The following THEMIS variants were observed in gnomAD, a reference collection of about 807,000 sequenced individuals.
The protein encoded by THEMIS is protein THEMIS.
In THEMIS, 37 loss-of-function variants were observed where a neutral mutation model predicts 52.6. The ratio of observed to expected loss-of-function variants is 0.70; its 90% CI spans 0.54 to 0.93. THEMIS has a LOEUF of 0.93. THEMIS is among the 40% of genes least tolerant of loss of function. The probability of loss-of-function intolerance (pLI) is 0.00; values close to 1 mark genes in which losing one functional copy is unlikely to be tolerated. For synonymous variants in THEMIS, 292 were observed against 272.7 expected (o/e 1.07, Z -0.70); for missense variants, 808 against 763.1 (o/e 1.06, Z -0.69).
chr6:127,828,288 A>G lies in THEMIS; in HGVS notation c.709+1188T>C, dbSNP rs529925953. On this transcript the variant is annotated intron_variant, in intron 3 of 5. Transcript: ENST00000368248. ...TACTATCTATTATTTATAAAAATCA[A>G]AGAAATCTCAATTACTCATCTCAAC... Among the ~76,000 whole-genome samples the G allele has an allele frequency of 2.0e-5, 3 of 152,346 alleles. No homozygotes were observed. The South Asian group carries it at 6.2e-4, about 32-fold the overall frequency.
chr6:127,715,684 C>T (rs940995357), intron 5 of THEMIS, among the ~76,000 whole-genome samples: 1 of 151,828 alleles, frequency 6.6e-6, no homozygotes, highest in African/African-American at 2.4e-5. Flanking sequence ...GGAGAGCTTT[C>T]CCAGGGAGTT....
At chr6:127,817,831 T>G (rs269994) in intron 3 of THEMIS, among the ~76,000 whole-genome samples, 10 of 152,204 alleles carry the variant, frequency 6.6e-5, no homozygotes, top group Admixed American at 5.2e-4. Context: ...GGTTGGGGAG[T>G]ATGTTTAGGA....
chr6:127,779,997 G>A (rs2114476845), intron 4 of THEMIS, among the ~76,000 whole-genome samples: 1 of 152,276 alleles, frequency 6.6e-6, no homozygotes, highest in South Asian at 2.1e-4. Flanking sequence ...GGGCAGCAGA[G>A]TGTTAAAGTC....
At chr6:127,831,032 G>A (rs1386295847) in intron 2 of THEMIS, among the ~76,000 whole-genome samples, 1 of 152,100 alleles carries the variant, frequency 6.6e-6, no homozygotes, top group Non-Finnish European at 1.5e-5. Context: ...AAAATACCAG[G>A]TTCTGTAGTT....
intron 4 of THEMIS, among the ~76,000 whole-genome samples, chr6:127,770,671 G>A (rs1776353405): frequency 6.6e-6 from 1 of 152,154 alleles, no homozygotes; most frequent in Admixed American, 6.5e-5. Context: ...TGCTTTTGGT[G>A]TTTTGCCCAT....
rs141905910 is a variant in THEMIS, at chr6:127,813,261, C to G, written c.1380G>C (p.Lys460Asn). Residue 460 changes from lysine (K) to asparagine (N), a missense_variant, in exon 4 of 6, where the codon AAG (lysine) becomes AAC (asparagine). Coordinates refer to ENST00000368248, the MANE Select transcript of THEMIS (RefSeq NM_001010923.3). ...CAATGGAAAGATCCCTGACAGACAC[C>G]TTCACATTGAAGGGCAAACGGAACT... is the stretch of plus-strand genomic sequence containing the variant. The part of the protein sequence containing the change: ...CKQFRLPFNV[K>N]VSVRDLSIEE... 1.0e-4 allele frequency: 167 copies of G among 1,613,998 alleles called. No homozygotes were observed. The highest frequency in any genetic ancestry group is 1.6e-4 in the Middle Eastern group (1 of 6,084).
At chr6:127,888,322 T>C (rs1780705350) in intron 1 of THEMIS, among the ~76,000 whole-genome samples, 1 of 152,092 alleles carries the variant, frequency 6.6e-6, no homozygotes, top group Non-Finnish European at 1.5e-5. Context: ...TGATTCTAGA[T>C]GCTATGTTGA....
upstream of THEMIS, among the ~76,000 whole-genome samples, chr6:127,905,760 G>A (rs1000767197): frequency 6.6e-6 from 1 of 151,828 alleles, no homozygotes; most frequent in African/African-American, 2.4e-5. Context: ...CAAAAGTGAT[G>A]TTTAATATCA....
At chr6:127,822,104 C>A (rs1461970259) in intron 3 of THEMIS, among the ~76,000 whole-genome samples, 1 of 151,758 alleles carries the variant, frequency 6.6e-6, no homozygotes, top group Non-Finnish European at 1.5e-5. Context: ...TTGTTTTTCT[C>A]AAAAGTATGA....
chr6:127,742,037 A>G (rs1775219983), intron 4 of THEMIS, among the ~76,000 whole-genome samples: 1 of 152,272 alleles, frequency 6.6e-6, no homozygotes, highest in Middle Eastern at 3.4e-3. Flanking sequence ...CAGGCTGAGT[A>G]TGGTGGCTCA....
chr6:127,799,642 G>A (rs1458586024), intron 4 of THEMIS, among the ~76,000 whole-genome samples: 1 of 131,142 alleles, frequency 7.6e-6, no homozygotes, highest in Non-Finnish European at 1.6e-5. Context: ...TTCTTATATT[G>A]TTCACTAGTA....
intron 4 of THEMIS, among the ~76,000 whole-genome samples, chr6:127,789,389 T>A (rs1236855198): frequency 6.6e-6 from 1 of 152,074 alleles, no homozygotes; most frequent in African/African-American, 2.4e-5. Context: ...ATTAATAGCT[T>A]ACCAATCAAA....
intron 3 of THEMIS, among the ~76,000 whole-genome samples, chr6:127,820,099 A>C (rs1253305530): frequency 6.6e-6 from 1 of 152,146 alleles, no homozygotes; most frequent in Admixed American, 6.5e-5. Flanking sequence ...GACCTATATT[A>C]GTTGTAAATA....
chr6:127,723,257 C>T (rs758220527), intron 4 of THEMIS, among the ~76,000 whole-genome samples: 2 of 152,010 alleles, frequency 1.3e-5, no homozygotes, highest in Non-Finnish European at 2.9e-5. Context: ...AAACTTCAAT[C>T]TGGAAGACTT....
intron 2 of THEMIS, among the ~76,000 whole-genome samples, chr6:127,852,298 A>C (rs2114281939): frequency 6.6e-6 from 1 of 151,732 alleles, no homozygotes; most frequent in East Asian, 1.9e-4. Context: ...GTAGCTGGAA[A>C]CATCAACACT....
chr6:127,713,946 A>G (rs904777252), intron 5 of THEMIS, among the ~76,000 whole-genome samples: 6 of 151,918 alleles, frequency 3.9e-5, no homozygotes, highest in Admixed American at 2.0e-4. Context: ...CTAGTTAGAA[A>G]GCAAGTGCAA....
At chr6:127,719,955 C>T (rs1056407334) in intron 4 of THEMIS, 132 bp from the exon 5 acceptor site, 7 of 1,151,222 alleles carry the variant, frequency 6.1e-6, no homozygotes, top group African/African-American at 1.6e-5. Context: ...AAGCAAGCTA[C>T]AAATTATATG....
chr6:127,866,388 T>TA (rs1779975840), intron 1 of THEMIS, among the ~76,000 whole-genome samples: 1 of 152,030 alleles, frequency 6.6e-6, no homozygotes, highest in Non-Finnish European at 1.5e-5. Flanking sequence ...TGCTACTTAA[T>TA]AGTTTATTTT....
intron 1 of THEMIS, among the ~76,000 whole-genome samples, chr6:127,890,042 T>C (rs1780756903): frequency 6.6e-6 from 1 of 152,052 alleles, no homozygotes; most frequent in Admixed American, 6.6e-5. Context: ...CAAAATCAGA[T>C]TTAGGAAGAT....
Sources: gnomAD v4.1 joint callset for allele counts (sites outside exome capture counted in the v4.1 genomes callset) on GRCh38, gnomAD v4.1.1 for gene constraint, MANE v1.5 for transcripts, NCBI Gene and HGNC (gene_info 2026-07-23, HGNC 2026-07-21) for gene names.